DLG2: variants seen among roughly 807,000 people sequenced by gnomAD.
DLG2 encodes discs large MAGUK scaffold protein 2, also known as disks large homolog 2.
DLG2 carries 45 observed loss-of-function variants against 132.5 expected under a neutral mutation model. The observed-to-expected ratio is 0.34, with a 90% confidence interval of 0.27 to 0.44. DLG2 has a LOEUF of 0.44. Ranked by LOEUF, DLG2 falls within the 20% of genes least tolerant of loss-of-function variation. The probability of loss-of-function intolerance (pLI) is 1.00; values close to 1 mark genes in which losing one functional copy is unlikely to be tolerated. For missense variants in DLG2, 1,045 were observed against 1,196.9 expected (o/e 0.87, Z 1.87); for synonymous variants, 424 against 419.6 (o/e 1.01, Z -0.13).
At chr11:85,133,677 A>C (rs376823344) in intron 5 of DLG2, among the ~76,000 whole-genome samples, 3 of 152,208 alleles carry the variant, frequency 2.0e-5, no homozygotes, top group Non-Finnish European at 1.5e-5. Context: ...AGGAGGTTCT[A>C]AAGTGTTTAC....
chr11:85,446,690 G>A (rs964419758), intron 3 of DLG2, among the ~76,000 whole-genome samples: 16 of 151,952 alleles, frequency 1.1e-4, no homozygotes, highest in African/African-American at 3.1e-4. Context: ...AACCACAGAT[G>A]CATCTTATTC....
chr11:85,397,038 G>C (rs1451577843), intron 3 of DLG2, among the ~76,000 whole-genome samples: 5 of 152,124 alleles, frequency 3.3e-5, no homozygotes, highest in Non-Finnish European at 4.4e-5. Flanking sequence ...GAGAGGTTGG[G>C]TTACCCACAA....
intron 11 of DLG2, among the ~76,000 whole-genome samples, chr11:84,022,925 T>C (rs899524470): frequency 6.6e-6 from 1 of 152,180 alleles, no homozygotes; most frequent in African/African-American, 2.4e-5. Context: ...AATGATGTAG[T>C]AGCAAGAGCT....
chr11:83,563,914 C>T (rs1035092030), intron 19 of DLG2, among the ~76,000 whole-genome samples: 5 of 152,154 alleles, frequency 3.3e-5, no homozygotes, highest in African/African-American at 1.2e-4. Context: ...TCACTGTCTT[C>T]GTAGCATTTG....
intron 7 of DLG2, among the ~76,000 whole-genome samples, chr11:84,332,176 C>G (rs1271782648): frequency 6.6e-6 from 1 of 151,086 alleles, no homozygotes; most frequent in African/African-American, 2.4e-5. Context: ...TCTACAACTT[C>G]CAATTGAAGA....
chr11:83,860,628 G>A (rs912511886), intron 16 of DLG2, among the ~76,000 whole-genome samples: 2 of 152,044 alleles, frequency 1.3e-5, no homozygotes, highest in African/African-American at 4.8e-5. Context: ...TGAGACTTGG[G>A]ACTTTGGACT....
rs879233163 is a variant in DLG2, at chr11:85,075,233, C to T, written c.357+36428G>A. ...TAGTGAAAATGTAAATTTGTACAGC[C>T]ACTTTGCAGGTTATCTTTGGCAATA... On this transcript the variant is annotated intron_variant, in intron 6 of 27. Coordinates refer to ENST00000376104, the MANE Select transcript of DLG2 (RefSeq NM_001142699.3). Among the ~76,000 whole-genome samples, 6 of 151,800 alleles carry T rather than the reference C, an allele frequency of 4.0e-5. 1 individual carries two copies. Among genetic ancestry groups the T allele is most frequent in the Admixed American group, 3.9e-4 (6 of 15,190 alleles).
At chr11:83,792,040 T>C (rs973674163) in intron 17 of DLG2, among the ~76,000 whole-genome samples, 12 of 152,256 alleles carry the variant, frequency 7.9e-5, no homozygotes, top group African/African-American at 2.9e-4. Context: ...TTGAGCAATG[T>C]ATCTTGGACA....
At chr11:84,217,180 A>C (rs577879311) in intron 8 of DLG2, among the ~76,000 whole-genome samples, 4 of 152,206 alleles carry the variant, frequency 2.6e-5, no homozygotes, top group Non-Finnish European at 5.9e-5. Flanking sequence ...CTCCGAAAGA[A>C]GCCAGAAATA....
intron 19 of DLG2, among the ~76,000 whole-genome samples, chr11:83,591,118 G>C (rs1215454675): frequency 6.6e-6 from 1 of 151,310 alleles, no homozygotes; most frequent in Non-Finnish European, 1.5e-5. Flanking sequence ...AGAAAAAGAG[G>C]GAATCCTCCC....
intron 6 of DLG2, among the ~76,000 whole-genome samples, chr11:84,985,389 A>T (rs1855428217): frequency 6.6e-6 from 1 of 152,182 alleles, no homozygotes; most frequent in Non-Finnish European, 1.5e-5. Flanking sequence ...TTGGATCAAA[A>T]ATGAAATCAA....
intron 15 of DLG2, among the ~76,000 whole-genome samples, chr11:83,886,134 A>G (rs564586712): frequency 2.3e-4 from 35 of 152,350 alleles, no homozygotes; most frequent in Non-Finnish European, 3.7e-4. Context: ...AAATGCTCCA[A>G]TTAAAAGACA....
At chr11:84,067,825 TA>T (rs2096702224) in intron 10 of DLG2, among the ~76,000 whole-genome samples, 1 of 152,172 alleles carries the variant, frequency 6.6e-6, no homozygotes, top group South Asian at 2.1e-4. Flanking sequence ...AATAAAAGAA[TA>T]AAAATCAGCA....
At chr11:84,411,319 A>C (rs1205317356) in intron 7 of DLG2, among the ~76,000 whole-genome samples, 2 of 152,236 alleles carry the variant, frequency 1.3e-5, no homozygotes, top group East Asian at 3.8e-4. Context: ...TATGAATACA[A>C]ATTTGCTGGC....
chr11:83,509,297 G>T (rs147799021), intron 21 of DLG2, among the ~76,000 whole-genome samples: 1 of 152,306 alleles, frequency 6.6e-6, no homozygotes, highest in Non-Finnish European at 1.5e-5. Context: ...TCTGCATCAT[G>T]AATTTAATAA....
intron 7 of DLG2, among the ~76,000 whole-genome samples, chr11:84,357,814 T>G (rs915716846): frequency 2.0e-5 from 3 of 151,974 alleles, no homozygotes; most frequent in Admixed American, 2.0e-4. Context: ...AAAAACAAAT[T>G]ATTTTTAAAT....
intron 3 of DLG2, among the ~76,000 whole-genome samples, chr11:85,530,445 T>G (rs1464965193): frequency 1.3e-5 from 2 of 151,968 alleles, no homozygotes; most frequent in African/African-American, 4.8e-5. Flanking sequence ...CTCAGCCTTC[T>G]GATTAGTTGC....
intron 7 of DLG2, among the ~76,000 whole-genome samples, chr11:84,335,159 G>GA (rs1567324673): frequency 6.5e-4 from 6 of 9,164 alleles, no homozygotes; most frequent in Non-Finnish European, 1.4e-3. Flanking sequence ...AATAAAGAAA[G>GA]CAAAAAAAAA....
intron 7 of DLG2, among the ~76,000 whole-genome samples, chr11:84,363,643 G>A (rs11233994): frequency 0.06 from 9,054 of 151,672 alleles, 278 homozygotes; most frequent in Non-Finnish European, 0.074. Flanking sequence ...TATGGTTTTA[G>A]GTCTAACGTT....
Sources: allele counts gnomAD v4.1 joint callset (sites outside exome capture counted in the v4.1 genomes callset), GRCh38; gene constraint gnomAD v4.1.1; transcripts MANE v1.5; gene names NCBI Gene and HGNC (gene_info 2026-07-23, HGNC 2026-07-21).